The following SPAG16 variants were observed in gnomAD, a reference collection of about 807,000 sequenced individuals.
SPAG16 encodes the protein sperm associated antigen 16.
Under a neutral mutation model 80.4 loss-of-function variants are expected in SPAG16, and 86 were observed. The ratio of observed to expected loss-of-function variants is 1.07; its 90% CI spans 0.90 to 1.28. SPAG16 has a LOEUF of 1.28. SPAG16 is among the 50% of genes most tolerant of loss of function. The pLI is 0.00. For missense variants in SPAG16, 870 were observed against 765.3 expected, an observed-to-expected ratio of 1.14 and a Z score of -1.61; for synonymous variants, 294 against 265.9, an observed-to-expected ratio of 1.11 and a Z score of -1.03.
rs569701874 is a variant in SPAG16 at position 213,761,960 on chromosome 2, C to G, written c.1071-100525C>G. On this transcript the variant is annotated intron_variant, in intron 10 of 15. Transcript: ENST00000331683. ...TTGAGGCAAAAATGCTCAAAAAATA[C>G]TAGAAAACAGAATTCTGCAACATAT... 2.2e-3 allele frequency among the ~76,000 whole-genome samples: 332 copies of G among 152,068 alleles called. 4 individuals are homozygous for G. Among genetic ancestry groups the G allele is most frequent in the Non-Finnish European group, 3.6e-3 (243 of 67,968 alleles).
intron 11 of SPAG16, among the ~76,000 whole-genome samples, chr2:213,909,938 A>G (rs1163585258): frequency 5.3e-5 from 8 of 152,208 alleles, no homozygotes; most frequent in Admixed American, 3.9e-4. Context: ...CAAACTGTAC[A>G]TTAAAGGTAT....
chr2:214,182,370 C>T (rs141166805), intron 15 of SPAG16, among the ~76,000 whole-genome samples: 2,044 of 151,766 alleles, frequency 0.013, 43 homozygotes, highest in African/African-American at 0.046. Flanking sequence ...ACCGTCTATG[C>T]CTTTTCAAAG....
chr2:213,920,686 G>T (rs1337569649), intron 11 of SPAG16, among the ~76,000 whole-genome samples: 1 of 152,168 alleles, frequency 6.6e-6, no homozygotes, highest in Non-Finnish European at 1.5e-5. Flanking sequence ...CAGACCAAGG[G>T]GTGCTCAAGT....
At chr2:214,284,832 T>TGC (rs1455991119) in intron 15 of SPAG16, among the ~76,000 whole-genome samples, 5 of 150,416 alleles carry the variant, frequency 3.3e-5, no homozygotes, top group East Asian at 2.0e-4. Flanking sequence ...TGTGTGTGTG[T>TGC]GCATATGTAT....
intron 12 of SPAG16, among the ~76,000 whole-genome samples, chr2:214,008,345 T>C (rs1424931933): frequency 2.6e-5 from 4 of 152,210 alleles, no homozygotes; most frequent in Non-Finnish European, 5.9e-5. Context: ...ATTTCCAATG[T>C]TTGATTCAGA....
intron 10 of SPAG16, among the ~76,000 whole-genome samples, chr2:213,542,585 T>A (rs907969387): frequency 3.9e-5 from 6 of 152,102 alleles, no homozygotes; most frequent in African/African-American, 1.2e-4. Context: ...AGAATGTTAA[T>A]GCAGAAAAAT....
At chr2:214,024,465 G>C (rs1406188098) in intron 13 of SPAG16, among the ~76,000 whole-genome samples, 1 of 151,570 alleles carries the variant, frequency 6.6e-6, no homozygotes, top group Non-Finnish European at 1.5e-5. Flanking sequence ...ACACAAAATA[G>C]TTTAAATGAT....
At chr2:214,215,402 C>T (rs1025830925) in intron 15 of SPAG16, among the ~76,000 whole-genome samples, 1 of 152,118 alleles carries the variant, frequency 6.6e-6, no homozygotes, top group Non-Finnish European at 1.5e-5. Flanking sequence ...TATCAGGCCA[C>T]CTTTGATTCC....
Position 214,149,018 on chromosome 2 carries a change from T to G in SPAG16, c.1594-122T>G, listed in dbSNP as rs202073217. On this transcript the variant is annotated intron_variant, in intron 14 of 15. Transcript: ENST00000331683. ...TAACACTTACCTTTTGTCTATAGGTTACTATATGTATTTGTATATATGTAG... is the reference window on the plus strand; with the variant it reads ...TAACACTTACCTTTTGTCTATAGGTGACTATATGTATTTGTATATATGTAG... The G allele has an allele frequency of 2.1e-4, 61 of 296,814 alleles. No individual in the cohort carries two copies. In the East Asian group the frequency reaches 5.3e-3, roughly 26 times the overall value. The allele number at this position is 296,814 out of a possible 1,614,324, so 18.4% of individuals were successfully genotyped here.
At chr2:214,250,788 A>T (rs913762764) in intron 15 of SPAG16, among the ~76,000 whole-genome samples, 2 of 144,278 alleles carry the variant, frequency 1.4e-5, no homozygotes, top group Non-Finnish European at 3.0e-5. Flanking sequence ...AGAGAGAGAG[A>T]GTCAAACTTT....
intron 15 of SPAG16, among the ~76,000 whole-genome samples, chr2:214,347,677 A>G (rs1698145396): frequency 6.6e-6 from 1 of 152,204 alleles, no homozygotes; most frequent in Non-Finnish European, 1.5e-5. Context: ...TGAGTTGGGG[A>G]GGTTACTCTC....
chr2:213,576,327 C>T (rs2060123813), intron 10 of SPAG16, among the ~76,000 whole-genome samples: 1 of 151,974 alleles, frequency 6.6e-6, no homozygotes, highest in Non-Finnish European at 1.5e-5. Context: ...TTACTGTAGC[C>T]CTGTAGTGTA....
At chr2:213,930,372 A>T (rs545141705) in intron 12 of SPAG16, among the ~76,000 whole-genome samples, 3 of 152,308 alleles carry the variant, frequency 2.0e-5, no homozygotes, top group African/African-American at 7.2e-5. Flanking sequence ...AAGTATCAAG[A>T]TCAAGCCTAT....
intron 10 of SPAG16, among the ~76,000 whole-genome samples, chr2:213,533,243 A>G (rs755586164): frequency 2.0e-4 from 30 of 152,142 alleles, no homozygotes; most frequent in Non-Finnish European, 3.2e-4. Context: ...TGCACATACT[A>G]TCTTTTTTTG....
intron 12 of SPAG16, among the ~76,000 whole-genome samples, chr2:213,993,979 G>A (rs1175864985): frequency 6.6e-6 from 1 of 152,172 alleles, no homozygotes; most frequent in Non-Finnish European, 1.5e-5. Context: ...GAGGTAAAAA[G>A]CACATGGTAG....
intron 10 of SPAG16, among the ~76,000 whole-genome samples, chr2:213,776,302 G>A (rs2069571755): frequency 6.6e-6 from 1 of 152,152 alleles, no homozygotes; most frequent in African/African-American, 2.4e-5. Flanking sequence ...AGGAGGGAGA[G>A]AGACACAACA....
chr2:213,372,999 AG>A (rs1362620935), intron 8 of SPAG16, among the ~76,000 whole-genome samples: 1 of 152,176 alleles, frequency 6.6e-6, no homozygotes, highest in African/African-American at 2.4e-5. Context: ...TATAAATGAA[AG>A]TGTGTTTGTT....
chr2:213,501,264 A>G (rs2074731169), intron 10 of SPAG16, among the ~76,000 whole-genome samples: 2 of 152,346 alleles, frequency 1.3e-5, no homozygotes, highest in Middle Eastern at 3.4e-3. Flanking sequence ...CAACTTCTCA[A>G]GAAGCCTAAC....
intron 10 of SPAG16, among the ~76,000 whole-genome samples, chr2:213,860,583 G>A (rs556219493): frequency 6.6e-6 from 1 of 151,556 alleles, no homozygotes; most frequent in African/African-American, 2.4e-5. Flanking sequence ...CAGTTCATGT[G>A]GAATAGGAGT....
Sources: allele counts gnomAD v4.1 joint callset (sites outside exome capture counted in the v4.1 genomes callset), GRCh38; gene constraint gnomAD v4.1.1; transcripts MANE v1.5; gene names NCBI Gene and HGNC (gene_info 2026-07-23, HGNC 2026-07-21).